SOX6: variants seen among roughly 807,000 people sequenced by gnomAD.
SOX6 encodes the protein SRY-box transcription factor 6, also known as transcription factor SOX-6.
Under a neutral mutation model 97.8 loss-of-function variants are expected in SOX6, and 11 were observed. The ratio of observed to expected loss-of-function variants is 0.11; its 90% CI spans 0.07 to 0.19. SOX6 has a LOEUF of 0.19. SOX6 is among the 10% of genes least tolerant of loss of function. The pLI is 1.00. For missense variants in SOX6, 810 were observed against 1,039.5 expected (o/e 0.78, Z 3.04); for synonymous variants, 360 against 371.4 (o/e 0.97, Z 0.35).
At chr11:16,525,705 A>T (rs1422354683) in intron 4 of SOX6, among the ~76,000 whole-genome samples, 2 of 151,816 alleles carry the variant, frequency 1.3e-5, no homozygotes, top group Non-Finnish European at 2.9e-5. Context: ...AACCTACAAA[A>T]TGGGAGAAAA....
chr11:16,604,277 T>G (rs1243855381), intron 4 of SOX6, among the ~76,000 whole-genome samples: 3 of 152,226 alleles, frequency 2.0e-5, no homozygotes, highest in Admixed American at 1.3e-4. Context: ...CTCCTCGCCA[T>G]GGACCAGCTC....
At chr11:15,982,151 G>A (rs1280021162) in intron 15 of SOX6, among the ~76,000 whole-genome samples, 1 of 152,046 alleles carries the variant, frequency 6.6e-6, no homozygotes, top group Non-Finnish European at 1.5e-5. Context: ...CTCTGTGTGT[G>A]TAATGTCGTG....
At chr11:16,650,829 A>T (rs905582661) in intron 3 of SOX6, among the ~76,000 whole-genome samples, 2 of 151,996 alleles carry the variant, frequency 1.3e-5, no homozygotes, top group East Asian at 3.8e-4. Context: ...GATAAATGAA[A>T]CAAAAAGCCG....
intron 1 of SOX6, among the ~76,000 whole-genome samples, chr11:16,427,777 C>T (rs1330635896): frequency 6.6e-6 from 1 of 152,264 alleles, no homozygotes; most frequent in East Asian, 1.9e-4. Context: ...GTGAATAGTG[C>T]CGCAATAAAC....
chr11:16,614,468 A>G (rs1197508099), intron 3 of SOX6, among the ~76,000 whole-genome samples: 2 of 152,202 alleles, frequency 1.3e-5, no homozygotes, highest in Non-Finnish European at 2.9e-5. Context: ...TTCTCAGGAA[A>G]TCAGTCCTTC....
chr11:16,574,062 A>C (rs1397691620), intron 4 of SOX6, among the ~76,000 whole-genome samples: 1 of 152,190 alleles, frequency 6.6e-6, no homozygotes, highest in Non-Finnish European at 1.5e-5. Context: ...TTTCCATAAA[A>C]TTTTACTAAT....
At chr11:16,579,691 T>A (rs756708121) in intron 4 of SOX6, among the ~76,000 whole-genome samples, 4 of 152,124 alleles carry the variant, frequency 2.6e-5, no homozygotes, top group Admixed American at 6.5e-5. Context: ...TAATGTACTC[T>A]CCTGTTGTGG....
intron 4 of SOX6, chr11:16,484,629 T>C (rs1860399507): frequency 1.5e-6 from 1 of 662,838 alleles, no homozygotes; most frequent in East Asian, 2.7e-5. Flanking sequence ...AGCCCCAGGA[T>C]GGACATCCTG....
intron 3 of SOX6, among the ~76,000 whole-genome samples, chr11:16,644,335 G>C (rs1043475528): frequency 2.0e-5 from 3 of 152,020 alleles, no homozygotes; most frequent in Non-Finnish European, 4.4e-5. Flanking sequence ...ACCATACCTG[G>C]CCCATTTCCA....
At chr11:15,981,781 A>G (rs754562930) in intron 15 of SOX6, among the ~76,000 whole-genome samples, 1 of 152,114 alleles carries the variant, frequency 6.6e-6, no homozygotes, top group Non-Finnish European at 1.5e-5. Context: ...CACTAAAATA[A>G]TTATTGTAAT....
chr11:16,513,317 G>A (rs1860908895), intron 4 of SOX6, among the ~76,000 whole-genome samples: 1 of 150,858 alleles, frequency 6.6e-6, no homozygotes, highest in Admixed American at 6.6e-5. Context: ...TCAAAAGAGA[G>A]GGACACAGGG....
chr11:16,704,680 A>G (rs1414794052), intron 3 of SOX6, among the ~76,000 whole-genome samples: 1 of 152,210 alleles, frequency 6.6e-6, no homozygotes, highest in African/African-American at 2.4e-5. Context: ...TACCTATAGA[A>G]TGTCCAAATT....
intron 9 of SOX6, among the ~76,000 whole-genome samples, chr11:16,060,264 G>T (rs897990921): frequency 2.0e-5 from 3 of 151,756 alleles, no homozygotes; most frequent in African/African-American, 7.3e-5. Context: ...TTAAAGCTCT[G>T]ATAATCATTT....
At chr11:16,207,797 A>G (rs1852114752) in intron 4 of SOX6, among the ~76,000 whole-genome samples, 1 of 146,364 alleles carries the variant, frequency 6.8e-6, no homozygotes, top group Non-Finnish European at 1.5e-5. Context: ...ATAATTTTTT[A>G]AAACTAAAAT....
chr11:16,274,733 T>C lies in SOX6; in HGVS notation c.446-40062A>G, dbSNP rs1423862213. Among the ~76,000 whole-genome samples the C allele has an allele frequency of 2.0e-5, 3 of 152,304 alleles. No individual in the cohort carries two copies. The South Asian group carries it at 6.2e-4, about 32-fold the overall frequency. ...AGTTATTCCTCAGCATAGAAAGTGA[T>C]ACAAAGGTCACAATCAAACTTGTTC... On this transcript the variant is annotated intron_variant, in intron 3 of 15. Coordinates refer to ENST00000683767, the MANE Select transcript of SOX6 (RefSeq NM_001367873.1).
In SOX6 at chr11:16,724,862, CAA is replaced by C. The variant is rs1848294460; in HGVS notation, n.354-9959_354-9958del. Among the ~76,000 whole-genome samples the C allele has an allele frequency of 2.0e-5, 3 of 152,260 alleles. No individual in the cohort carries two copies. In the South Asian group the frequency reaches 6.2e-4, roughly 32 times the overall value. On this transcript the variant is annotated intron_variant and non_coding_transcript_variant, in intron 2 of 5. Transcript: ENST00000524520. ...AGGATGTTTATAATAAAAAAGATGA[CAA>C]ATGTTGGCAATGATGTGGAGAAATT...
intron 4 of SOX6, among the ~76,000 whole-genome samples, chr11:16,561,980 G>A (rs1194691114): frequency 1.3e-5 from 2 of 151,868 alleles, no homozygotes; most frequent in African/African-American, 4.8e-5. Flanking sequence ...ACCCGCCTTG[G>A]TCTCCCAAAG....
chr11:16,281,369 T>C (rs1335693687), intron 3 of SOX6, among the ~76,000 whole-genome samples: 1 of 152,064 alleles, frequency 6.6e-6, no homozygotes, highest in East Asian at 1.9e-4. Context: ...GTACATTTAT[T>C]TGAATGAAAG....
intron 1 of SOX6, among the ~76,000 whole-genome samples, chr11:16,464,699 C>T (rs999088103): frequency 6.6e-6 from 1 of 152,112 alleles, no homozygotes; most frequent in African/African-American, 2.4e-5. Context: ...TTCTAAAGGT[C>T]TCCAATATAC....
Sources: gnomAD v4.1 joint callset for allele counts (sites outside exome capture counted in the v4.1 genomes callset) on GRCh38, gnomAD v4.1.1 for gene constraint, MANE v1.5 for transcripts, NCBI Gene and HGNC (gene_info 2026-07-23, HGNC 2026-07-21) for gene names.